SGCZ: variants seen among roughly 807,000 people sequenced by gnomAD.
SGCZ encodes the protein zeta-sarcoglycan.
SGCZ carries 40 observed loss-of-function variants against 41.3 expected under a neutral mutation model. The observed-to-expected ratio is 0.97, with a 90% CI of 0.75 to 1.26. The LOEUF is 1.26. SGCZ is among the 50% of genes most tolerant of loss of function. SGCZ has a pLI of 0.00. For missense variants in SGCZ, 552 were observed against 369.8 expected, an observed-to-expected ratio of 1.49 and a Z score of -4.04; for synonymous variants, 206 against 137.5, an observed-to-expected ratio of 1.50 and a Z score of -3.49.
chr8:14,776,756 G>T (rs2130419990), intron 1 of SGCZ, among the ~76,000 whole-genome samples: 1 of 152,096 alleles, frequency 6.6e-6, no homozygotes, highest in Non-Finnish European at 1.5e-5. Flanking sequence ...GCCTCCCAAA[G>T]TGCTGGGATT....
At chr8:14,637,695 A>G (rs79418606) in intron 1 of SGCZ, among the ~76,000 whole-genome samples, 16,740 of 151,826 alleles carry the variant, frequency 0.11, 1,097 homozygotes, top group African/African-American at 0.19. Flanking sequence ...GTGTACATAT[A>G]CCACATTTTC....
At chr8:14,199,024 A>G (rs1169609605) in intron 4 of SGCZ, among the ~76,000 whole-genome samples, 1 of 152,202 alleles carries the variant, frequency 6.6e-6, no homozygotes, top group East Asian at 1.9e-4. Flanking sequence ...ACAATATCAA[A>G]TCTGGGCACC....
intron 1 of SGCZ, among the ~76,000 whole-genome samples, chr8:15,159,323 T>C (rs1292759730): frequency 2.1e-5 from 3 of 146,148 alleles, no homozygotes; most frequent in Non-Finnish European, 4.6e-5. Flanking sequence ...GTATCCTTTA[T>C]AAGAAACTGA....
chr8:14,697,580 T>A lies in SGCZ; in HGVS notation c.40-142654A>T, dbSNP rs867401533. Among the ~76,000 whole-genome samples, 55 of 152,030 alleles carry A rather than the reference T, an allele frequency of 3.6e-4. 1 individual carries two copies. Among genetic ancestry groups the A allele is most frequent in the Middle Eastern group, 3.2e-3 (1 of 316 alleles). On this transcript the variant is annotated intron_variant, in intron 1 of 7. Transcript: ENST00000382080. ...TTTTGTGAATTCAATAATTAGCTCA[T>A]GTCTTTCCTTTCACTTTGTCTCAGG...
At chr8:15,152,757 T>G (rs1799218145) in intron 1 of SGCZ, among the ~76,000 whole-genome samples, 1 of 152,212 alleles carries the variant, frequency 6.6e-6, no homozygotes, top group South Asian at 2.1e-4. Flanking sequence ...GTCCTTTTTG[T>G]TTAATGTCTC....
At chr8:14,293,505 T>C (rs1017372114) in intron 3 of SGCZ, among the ~76,000 whole-genome samples, 3 of 152,006 alleles carry the variant, frequency 2.0e-5, no homozygotes, top group South Asian at 4.1e-4. Context: ...TTCAGTTACT[T>C]AGACTTTTAA....
intron 1 of SGCZ, among the ~76,000 whole-genome samples, chr8:15,088,243 G>A (rs1806023198): frequency 1.3e-5 from 2 of 152,134 alleles, no homozygotes; most frequent in Admixed American, 6.6e-5. Context: ...TACACACGCA[G>A]TAAGCGTTAA....
At chr8:14,482,941 C>T (rs1262020241) in intron 2 of SGCZ, among the ~76,000 whole-genome samples, 2 of 152,018 alleles carry the variant, frequency 1.3e-5, no homozygotes, top group African/African-American at 4.8e-5. Context: ...TTTTCAGGTT[C>T]CCTAACTCCG....
rs910538079 is a variant in SGCZ, at chr8:14,946,465, A to C, written c.39+291120T>G. 4.6e-5 allele frequency among the ~76,000 whole-genome samples: 7 copies of C among 151,908 alleles called. 1 individual carries two copies. The highest frequency in any genetic ancestry group is 1.3e-4 in the Admixed American group (2 of 15,244). ...TTTGCACACATTAGTGTGTTCCTCC[A>C]TGATGTGCCTCAGGTATTTCCACCT... On this transcript the variant is annotated intron_variant, in intron 1 of 7. Transcript: ENST00000382080.
chr8:14,114,213 TAAC>T, intron 5 of SGCZ, among the ~76,000 whole-genome samples: 1 of 152,080 alleles, frequency 6.6e-6, no homozygotes, highest in Middle Eastern at 3.4e-3. Flanking sequence ...ATAAAATAAT[TAAC>T]AAAAGCATGC....
intron 1 of SGCZ, among the ~76,000 whole-genome samples, chr8:15,085,331 C>T (rs1406562883): frequency 2.0e-5 from 3 of 152,114 alleles, no homozygotes; most frequent in Non-Finnish European, 4.4e-5. Context: ...CTTTGACTTA[C>T]AGAAAGGGGC....
At position 14,798,241 on chromosome 8, in the gene SGCZ, A is replaced by C. The variant is rs1460065498; in HGVS notation, c.40-243315T>G. ...ATAAAAAATCATTGACCCAATGAGGAAAGTATAGAAATCAATGAAGAAAGT... is the reference window on the plus strand; with the variant it reads ...ATAAAAAATCATTGACCCAATGAGGCAAGTATAGAAATCAATGAAGAAAGT... On this transcript the variant is annotated intron_variant, in intron 1 of 7. Coordinates refer to ENST00000382080, the MANE Select transcript of SGCZ (RefSeq NM_139167.4). Among the ~76,000 whole-genome samples, 3 of 152,362 alleles carry C rather than the reference A, an allele frequency of 2.0e-5. No homozygotes were observed. The East Asian group carries it at 5.8e-4, about 29-fold the overall frequency.
At chr8:14,550,904 A>G (rs540015056) in intron 2 of SGCZ, among the ~76,000 whole-genome samples, 1 of 151,868 alleles carries the variant, frequency 6.6e-6, no homozygotes, top group African/African-American at 2.4e-5. Flanking sequence ...TCAATCCAAA[A>G]ACGACAATGA....
intron 2 of SGCZ, among the ~76,000 whole-genome samples, chr8:14,488,698 C>T (rs1444027477): frequency 6.6e-6 from 1 of 152,092 alleles, no homozygotes; most frequent in Non-Finnish European, 1.5e-5. Flanking sequence ...CATTGACCAA[C>T]CACTCTCCTA....
chr8:14,090,532 A>G lies in SGCZ; in HGVS notation c.850T>C (p.Cys284Arg). 2 of 1,613,100 alleles carry G rather than the reference A, an allele frequency of 1.2e-6. No individual in the cohort carries two copies. Among genetic ancestry groups the G allele is most frequent in the Non-Finnish European group, 1.7e-6 (2 of 1,179,416 alleles). Residue 284 changes from cysteine to arginine, a missense_variant, in exon 8 of 8, where the codon TGC becomes CGC. Coordinates refer to ENST00000382080, the MANE Select transcript of SGCZ (RefSeq NM_139167.4). ...SSSRQTVYEL[C>R]VCPNGKLYLS... ...TAAAGTTTGCCATTGGGGCAGACGCAGAGTTCATACACTGTCTGTCGAGAA... is the reference window on the plus strand; with the variant it reads ...TAAAGTTTGCCATTGGGGCAGACGCGGAGTTCATACACTGTCTGTCGAGAA...
chr8:15,130,541 A>C (rs1807859103), intron 1 of SGCZ, among the ~76,000 whole-genome samples: 1 of 152,222 alleles, frequency 6.6e-6, no homozygotes, highest in African/African-American at 2.4e-5. Flanking sequence ...GTTTTTAGAA[A>C]TGCTCCTCAT....
chr8:14,232,524 A>T (rs1283639240), intron 4 of SGCZ, among the ~76,000 whole-genome samples: 1 of 152,062 alleles, frequency 6.6e-6, no homozygotes, highest in Non-Finnish European at 1.5e-5. Context: ...CTGAGGAAAA[A>T]CAGAAAATGA....
intron 3 of SGCZ, among the ~76,000 whole-genome samples, chr8:14,274,099 T>C (rs576772654): frequency 6.6e-6 from 1 of 152,314 alleles, no homozygotes; most frequent in African/African-American, 2.4e-5. Flanking sequence ...ACTATTCACT[T>C]GTTTTCTTGA....
At chr8:14,215,673 A>G (rs1180527512) in intron 4 of SGCZ, among the ~76,000 whole-genome samples, 2 of 152,132 alleles carry the variant, frequency 1.3e-5, no homozygotes, top group African/African-American at 4.8e-5. Flanking sequence ...CACTATAGAT[A>G]GTTTAATCTT....
Sources: gnomAD v4.1 joint callset for allele counts (sites outside exome capture counted in the v4.1 genomes callset) on GRCh38, gnomAD v4.1.1 for gene constraint, MANE v1.5 for transcripts, NCBI Gene and HGNC (gene_info 2026-07-23, HGNC 2026-07-21) for gene names.